The following DISC1 variants were observed in gnomAD, a reference collection of about 807,000 sequenced individuals.
DISC1 encodes DISC1 scaffold protein, also known as disrupted in schizophrenia 1 protein.
In DISC1, 57 loss-of-function variants were observed where a neutral mutation model predicts 84.5. The observed-to-expected ratio is 0.67, with a 90% CI of 0.55 to 0.84. The LOEUF is 0.84. Ranked by LOEUF, DISC1 falls within the 40% of genes least tolerant of loss-of-function variation. DISC1 has a pLI of 0.00. For synonymous variants in DISC1, 411 were observed against 415.2 expected, an observed-to-expected ratio of 0.99 and a Z score of 0.12; for missense variants, 1,000 against 1,057.8, an observed-to-expected ratio of 0.95 and a Z score of 0.76.
intron 8 of DISC1, among the ~76,000 whole-genome samples, chr1:231,809,016 G>A (rs923057480): frequency 2.6e-5 from 4 of 152,210 alleles, no homozygotes; most frequent in African/African-American, 9.7e-5. Context: ...AAGGCACATG[G>A]CAACTGGCAG....
chr1:231,771,515 G>A (rs1467652327), intron 6 of DISC1: 24 of 985,332 alleles, frequency 2.4e-5, no homozygotes, highest in Middle Eastern at 5.2e-4. Flanking sequence ...AGAATGGATT[G>A]TTACTGGTAG....
Position 231,694,798 on chromosome 1 carries a change from A to C in DISC1, c.1040A>C (p.Gln347Pro). ...LRDCLLRNRR[Q>P]MEVISLRLKL... ...GACTGCCTGCTGAGAAACCGGAGGC[A>C]GATGGAGGTCAGTGTCTCTTCCACC... Residue 347 changes from glutamine to proline, a missense_variant, in exon 2 of 13, where the codon CAG becomes CCG. Gln to Pro is a moderately conservative substitution (Grantham distance 76). Around this residue, in one of 3 missense-constraint regions of DISC1, gnomAD observed 311 missense variants for 400.1 expected, o/e 0.78. Transcript: ENST00000439617. 6.2e-7 allele frequency: 1 copy of C among 1,613,662 alleles called. No homozygotes were observed. The highest frequency in any genetic ancestry group is 2.2e-5 in the East Asian group (1 of 44,876).
chr1:231,710,187 A>C (rs1356694738), intron 3 of DISC1, among the ~76,000 whole-genome samples: 1 of 152,120 alleles, frequency 6.6e-6, no homozygotes, highest in Non-Finnish European at 1.5e-5. Context: ...AAAATGACAA[A>C]AACAATTAGC....
intron 7 of DISC1, 21 bp from the exon 8 acceptor site, chr1:231,800,087 T>C: frequency 6.3e-7 from 1 of 1,575,484 alleles, no homozygotes; most frequent in Non-Finnish European, 8.7e-7. Flanking sequence ...TGATGATTCC[T>C]GGTCATTTCT....
At chr1:231,977,935 G>C (rs530888382) in intron 10 of DISC1, among the ~76,000 whole-genome samples, 52 of 152,244 alleles carry the variant, frequency 3.4e-4, no homozygotes, top group African/African-American at 1.2e-3. Context: ...TATTCAAATT[G>C]AGAAATGTTT....
intron 1 of DISC1, among the ~76,000 whole-genome samples, chr1:231,648,399 G>A (rs942863135): frequency 6.6e-6 from 1 of 152,114 alleles, no homozygotes; most frequent in African/African-American, 2.4e-5. Context: ...TGCATCCCAG[G>A]GATGAAGCTG....
chr1:231,720,803 G>A (rs752680660), intron 3 of DISC1: 23 of 1,256,238 alleles, frequency 1.8e-5, no homozygotes, highest in Non-Finnish European at 2.3e-5. Flanking sequence ...GGGCAGAAGT[G>A]GTTCTGAGCA....
chr1:231,958,507 G>A (rs968825242), intron 9 of DISC1, among the ~76,000 whole-genome samples: 1 of 152,186 alleles, frequency 6.6e-6, no homozygotes, highest in Non-Finnish European at 1.5e-5. Context: ...GCTATCAGTT[G>A]GGAAAGGTAA....
chr1:231,733,791 A>T (rs1291201076), intron 3 of DISC1, among the ~76,000 whole-genome samples: 1 of 69,568 alleles, frequency 1.4e-5, no homozygotes, highest in Non-Finnish European at 3.3e-5. Flanking sequence ...TGATTGTGGG[A>T]GTGGTGGTGG....
At chr1:231,638,349 A>G (rs1408259052) in intron 1 of DISC1, among the ~76,000 whole-genome samples, 3 of 151,980 alleles carry the variant, frequency 2.0e-5, no homozygotes, top group Non-Finnish European at 2.9e-5. Flanking sequence ...CCATTTCCCT[A>G]TGCTTTTTTG....
intron 1 of DISC1, among the ~76,000 whole-genome samples, chr1:231,628,192 A>C (rs2058422554): frequency 6.6e-6 from 1 of 152,224 alleles, no homozygotes. Flanking sequence ...TGGTACATGA[A>C]GTCCTCTGAG....
intron 10 of DISC1, among the ~76,000 whole-genome samples, chr1:231,987,273 T>C (rs1338353565): frequency 3.4e-5 from 5 of 147,016 alleles, no homozygotes; most frequent in African/African-American, 1.3e-4. Context: ...CTCTAGGTTC[T>C]ACCTGCCCCT....
intron 9 of DISC1, among the ~76,000 whole-genome samples, chr1:231,877,106 A>G (rs1381058054): frequency 6.6e-6 from 1 of 152,194 alleles, no homozygotes; most frequent in Non-Finnish European, 1.5e-5. Flanking sequence ...CAAGTAAAGA[A>G]CTAAAAATTA....
chr1:231,634,626 T>G (rs993192726), intron 1 of DISC1, among the ~76,000 whole-genome samples: 1 of 152,216 alleles, frequency 6.6e-6, no homozygotes, highest in African/African-American at 2.4e-5. Flanking sequence ...TGTTCCTTAG[T>G]TTATAGAATT....
At chr1:232,004,478 A>G (rs970534185) in intron 10 of DISC1, among the ~76,000 whole-genome samples, 1 of 152,200 alleles carries the variant, frequency 6.6e-6, no homozygotes, top group Admixed American at 6.5e-5. Flanking sequence ...ATTAATTTAT[A>G]TAAAGGATAT....
intron 9 of DISC1, among the ~76,000 whole-genome samples, chr1:231,894,769 GT>G: frequency 6.6e-6 from 1 of 150,986 alleles, no homozygotes; most frequent in African/African-American, 2.4e-5. Flanking sequence ...GTGTGTGTGT[GT>G]GTGTGTGTGC....
At chr1:231,797,099 T>G (rs1007096396) in intron 7 of DISC1, among the ~76,000 whole-genome samples, 6 of 152,170 alleles carry the variant, frequency 3.9e-5, no homozygotes, top group Non-Finnish European at 8.8e-5. Context: ...GGGTCTGAGT[T>G]TATTGACTAT....
chr1:231,787,031 C>T (rs918826235), intron 6 of DISC1, among the ~76,000 whole-genome samples: 1 of 152,124 alleles, frequency 6.6e-6, no homozygotes, highest in Admixed American at 6.6e-5. Flanking sequence ...GCAAGGAAGG[C>T]GTTCTTTTGC....
At chr1:231,633,075 AC>A (rs2058871685) in intron 1 of DISC1, among the ~76,000 whole-genome samples, 1 of 152,230 alleles carries the variant, frequency 6.6e-6, no homozygotes, top group Non-Finnish European at 1.5e-5. Flanking sequence ...CGTCAAAAAA[AC>A]AAACAAACAA....
Sources: gnomAD v4.1 joint callset for allele counts (sites outside exome capture counted in the v4.1 genomes callset) on GRCh38, gnomAD v4.1.1 for gene constraint, gnomAD v4.1.1 regional missense constraint, MANE v1.5 for transcripts, NCBI Gene and HGNC (gene_info 2026-07-23, HGNC 2026-07-21) for gene names.